The following TMEM117 variants were observed in gnomAD, a reference collection of about 807,000 sequenced individuals.
TMEM117 encodes transmembrane protein 117.
Under a neutral mutation model 52.4 loss-of-function variants are expected in TMEM117, and 27 were observed. That is an observed-to-expected ratio of 0.51 (90% confidence interval 0.38 to 0.71). The LOEUF is 0.71. TMEM117 is among the 30% of genes least tolerant of loss of function. TMEM117 has a pLI of 0.00. For synonymous variants in TMEM117, 215 were observed against 206.3 expected (o/e 1.04, Z -0.36); for missense variants, 556 against 630.5 (o/e 0.88, Z 1.26).
At chr12:43,879,380 T>C (rs904066769) in intron 2 of TMEM117, among the ~76,000 whole-genome samples, 1 of 152,202 alleles carries the variant, frequency 6.6e-6, no homozygotes, top group Non-Finnish European at 1.5e-5. Flanking sequence ...CAGTGTATAA[T>C]TGCATATGCA....
chr12:44,145,706 G>A (rs11835241), intron 4 of TMEM117, among the ~76,000 whole-genome samples: 2,267 of 152,248 alleles, frequency 0.015, 37 homozygotes, highest in African/African-American at 0.051. Flanking sequence ...CCTTATCCCA[G>A]GCCTGGGGTC....
At chr12:44,099,920 T>C (rs897240510) in intron 3 of TMEM117, among the ~76,000 whole-genome samples, 2 of 151,972 alleles carry the variant, frequency 1.3e-5, no homozygotes, top group African/African-American at 4.8e-5. Context: ...ACATTAAGAA[T>C]GATGACCTGA....
chr12:44,350,653 A>G (rs746275109), intron 6 of TMEM117, among the ~76,000 whole-genome samples: 1 of 152,006 alleles, frequency 6.6e-6, no homozygotes, highest in African/African-American at 2.4e-5. Context: ...TTCACTTAAC[A>G]TAATGACCCC....
In TMEM117 at chr12:43,992,468, C is replaced by T. The variant is rs1039850875; in HGVS notation, c.410+48126C>T. Among the ~76,000 whole-genome samples, 8 of 152,074 alleles carry T rather than the reference C, an allele frequency of 5.3e-5. No individual in the cohort carries two copies. The South Asian group carries it at 8.3e-4, about 16-fold the overall frequency. On this transcript the variant is annotated intron_variant, in intron 3 of 7. Transcript: ENST00000266534. The stretch of plus-strand genomic sequence containing the variant: ...TTGTTTTTTAAACTTTTTGTAGACA[C>T]GGGTCTCACCATGTTGCCCAGGCTG...
chr12:44,243,246 T>C (rs1950086315), intron 5 of TMEM117, among the ~76,000 whole-genome samples: 1 of 151,788 alleles, frequency 6.6e-6, no homozygotes, highest in Non-Finnish European at 1.5e-5. Context: ...TCTCTTGTAT[T>C]TATTTGTATG....
At chr12:44,368,139 C>A (rs1276709291) in intron 6 of TMEM117, among the ~76,000 whole-genome samples, 1 of 152,094 alleles carries the variant, frequency 6.6e-6, no homozygotes. Flanking sequence ...CTTCCTCTTT[C>A]ATATCAATCA....
At chr12:44,070,093 G>A (rs7972687) in intron 3 of TMEM117, among the ~76,000 whole-genome samples, 2,242 of 152,272 alleles carry the variant, frequency 0.015, 38 homozygotes, top group African/African-American at 0.051. Flanking sequence ...GTCTTGCCAT[G>A]TTGTTCAGGC....
intron 6 of TMEM117, among the ~76,000 whole-genome samples, 192 bp downstream of exon 6, chr12:44,299,931 G>A (rs1003001488): frequency 6.6e-6 from 1 of 152,078 alleles, no homozygotes; most frequent in African/African-American, 2.4e-5. Context: ...TATAAGAGGG[G>A]CACCAAAAAT....
intron 5 of TMEM117, among the ~76,000 whole-genome samples, chr12:44,227,370 G>T (rs184764976): frequency 6.6e-6 from 1 of 152,074 alleles, no homozygotes; most frequent in Non-Finnish European, 1.5e-5. Context: ...AGGCTGAGGT[G>T]AGCAGATCAC....
At chr12:43,985,941 A>G (rs528570734) in intron 3 of TMEM117, among the ~76,000 whole-genome samples, 1 of 152,344 alleles carries the variant, frequency 6.6e-6, no homozygotes, top group African/African-American at 2.4e-5. Context: ...ACATTTTATA[A>G]TTCTGCTATA....
chr12:44,282,098 T>A (rs553726941), intron 5 of TMEM117, among the ~76,000 whole-genome samples: 73 of 152,098 alleles, frequency 4.8e-4, no homozygotes, highest in East Asian at 4.6e-3. Context: ...CCACTTTTGC[T>A]TCTTTCTCAT....
chr12:44,092,538 C>G lies in TMEM117; in HGVS notation c.411-50987C>G, dbSNP rs117823602. On this transcript the variant is annotated intron_variant, in intron 3 of 7. Coordinates refer to ENST00000266534, the MANE Select transcript of TMEM117 (RefSeq NM_032256.3). ...ACTTTTATTACCATCTAGGGACCATCCAGAGGCATATTGAAATAACAACAC... is the reference window on the plus strand; with the variant it reads ...ACTTTTATTACCATCTAGGGACCATGCAGAGGCATATTGAAATAACAACAC... Among the ~76,000 whole-genome samples the G allele has an allele frequency of 9.2e-5, 14 of 152,252 alleles. No homozygotes were observed. The East Asian group carries it at 2.7e-3, about 29-fold the overall frequency.
At chr12:44,272,409 A>C (rs1186376352) in intron 5 of TMEM117, among the ~76,000 whole-genome samples, 1 of 152,200 alleles carries the variant, frequency 6.6e-6, no homozygotes, top group East Asian at 1.9e-4. Flanking sequence ...TGCACAGCAA[A>C]AGAAACTACC....
intron 4 of TMEM117, among the ~76,000 whole-genome samples, chr12:44,194,129 C>T (rs957825219): frequency 6.6e-6 from 1 of 152,022 alleles, no homozygotes; most frequent in African/African-American, 2.4e-5. Flanking sequence ...TTTAGGAATA[C>T]AAATTTTAAA....
At chr12:43,870,731 C>T (rs1166303384) in intron 2 of TMEM117, among the ~76,000 whole-genome samples, 3 of 148,942 alleles carry the variant, frequency 2.0e-5, no homozygotes, top group African/African-American at 7.3e-5. Context: ...CTTGTACTCC[C>T]ACCAACAGTG....
At chr12:44,324,484 G>T (rs1262510419) in intron 6 of TMEM117, among the ~76,000 whole-genome samples, 1 of 151,926 alleles carries the variant, frequency 6.6e-6, no homozygotes, top group African/African-American at 2.4e-5. Flanking sequence ...GAATATTTCA[G>T]CAGAATTATG....
intron 6 of TMEM117, among the ~76,000 whole-genome samples, chr12:44,360,983 C>T (rs1951713669): frequency 6.6e-6 from 1 of 152,084 alleles, no homozygotes; most frequent in Admixed American, 6.6e-5. Context: ...AAGATATGAA[C>T]TGAGCATTGA....
chr12:44,214,996 G>A (rs1006782563), intron 5 of TMEM117, among the ~76,000 whole-genome samples: 1 of 152,106 alleles, frequency 6.6e-6, no homozygotes, highest in African/African-American at 2.4e-5. Context: ...TCATTGGCAA[G>A]GTTTTAGATT....
chr12:43,954,651 A>C (rs1044068256), intron 3 of TMEM117, among the ~76,000 whole-genome samples: 17 of 152,216 alleles, frequency 1.1e-4, no homozygotes, highest in South Asian at 2.1e-4. Flanking sequence ...TGAGGGAGTA[A>C]TAAATAGCCT....
Sources: gnomAD v4.1 joint callset for allele counts (sites outside exome capture counted in the v4.1 genomes callset) on GRCh38, gnomAD v4.1.1 for gene constraint, MANE v1.5 for transcripts, NCBI Gene and HGNC (gene_info 2026-07-23, HGNC 2026-07-21) for gene names.